The following AOAH variants were observed in gnomAD, a reference collection of about 807,000 sequenced individuals.
The protein encoded by AOAH is acyloxyacyl hydrolase (neutrophil).
AOAH carries 64 observed loss-of-function variants against 92.2 expected under a neutral mutation model. The ratio of observed to expected loss-of-function variants is 0.69; its 90% CI spans 0.57 to 0.86. The LOEUF (loss-of-function observed/expected upper bound fraction) is 0.86. Ranked by LOEUF, AOAH falls within the 40% of genes least tolerant of loss-of-function variation. The probability of loss-of-function intolerance (pLI) is 0.00; values close to 1 mark genes in which losing one functional copy is unlikely to be tolerated. For missense variants in AOAH, 656 were observed against 694.6 expected (o/e 0.94, Z 0.62); for synonymous variants, 263 against 254.5 (o/e 1.03, Z -0.32).
chr7:36,538,193 A>AATT (rs1363968898), intron 16 of AOAH, among the ~76,000 whole-genome samples: 2 of 151,062 alleles, frequency 1.3e-5, no homozygotes, highest in Non-Finnish European at 3.0e-5. Context: ...ACACCCTGCT[A>AATT]ATTTTTGTAT....
chr7:36,517,815 G>A (rs1783882410), intron 20 of AOAH, among the ~76,000 whole-genome samples: 1 of 151,574 alleles, frequency 6.6e-6, no homozygotes, highest in Non-Finnish European at 1.5e-5. Flanking sequence ...TGGCCAGGCT[G>A]GTCTCGAACT....
chr7:36,659,142 T>A, intron 4 of AOAH, 24 bp downstream of exon 4: 1 of 1,568,230 alleles, frequency 6.4e-7, no homozygotes, highest in Non-Finnish European at 8.8e-7. Flanking sequence ...TGGAAACAGA[T>A]GTTCAGAGTG....
chr7:36,625,423 C>T (rs1486710315), intron 6 of AOAH, among the ~76,000 whole-genome samples: 1 of 152,168 alleles, frequency 6.6e-6, no homozygotes, highest in Non-Finnish European at 1.5e-5. Flanking sequence ...CCAGCTCCCT[C>T]ACAGGGTTTA....
chr7:36,634,764 C>T (rs1253543702), intron 5 of AOAH, among the ~76,000 whole-genome samples: 2 of 152,178 alleles, frequency 1.3e-5, no homozygotes, highest in East Asian at 1.9e-4. Flanking sequence ...TCTAATTCTC[C>T]TAACAACAGT....
At chr7:36,596,826 T>A (rs1195658046) in intron 11 of AOAH, among the ~76,000 whole-genome samples, 1 of 152,212 alleles carries the variant, frequency 6.6e-6, no homozygotes, top group African/African-American at 2.4e-5. Context: ...CCAAGGAAAC[T>A]AATACATGGC....
At chr7:36,618,074 A>AT (rs1230260490) in intron 10 of AOAH, among the ~76,000 whole-genome samples, 1 of 152,144 alleles carries the variant, frequency 6.6e-6, no homozygotes, top group Non-Finnish European at 1.5e-5. Context: ...AATTAAACAA[A>AT]TTGTTTTGCT....
At chr7:36,535,044 GTGTATGTGTC>G (rs1316770492) in intron 16 of AOAH, among the ~76,000 whole-genome samples, 5 of 96,770 alleles carry the variant, frequency 5.2e-5, no homozygotes, top group Admixed American at 4.6e-4. Context: ...GTCTGTGTGT[GTGTATGTGTC>G]TGTGTGTGTG....
At chr7:36,570,383 C>T (rs1001508648) in intron 13 of AOAH, among the ~76,000 whole-genome samples, 6 of 152,168 alleles carry the variant, frequency 3.9e-5, no homozygotes, top group African/African-American at 7.2e-5. Flanking sequence ...ACTGTGTATG[C>T]AGAGACCACA....
Position 36,659,171 on chromosome 7 carries a change from G to A in AOAH, c.385C>T (p.Pro129Ser). 1 of 1,612,684 alleles carries A rather than the reference G, an allele frequency of 6.2e-7. No individual in the cohort carries two copies. Residue 129 changes from proline (P) to serine (S), a missense_variant, in exon 4 of 21, where the codon CCC (proline) becomes TCC (serine). Transcript: ENST00000617537. ...CAGAGTGATTACACACTCACCTTGG[G>A]AAGAGGGTAGAGATGACACAATGGT... is the stretch of plus-strand genomic sequence containing the variant. ...GQPLCHLYPL[P>S]KETWKFTLQK...
At chr7:36,717,380 C>T (rs1799279220) in intron 1 of AOAH, among the ~76,000 whole-genome samples, 1 of 152,118 alleles carries the variant, frequency 6.6e-6, no homozygotes, top group Admixed American at 6.5e-5. Context: ...TCCCCACTCC[C>T]ACCCACCCCT....
chr7:36,670,273 C>T (rs1014856165), intron 3 of AOAH, among the ~76,000 whole-genome samples: 1 of 152,134 alleles, frequency 6.6e-6, no homozygotes, highest in African/African-American at 2.4e-5. Context: ...CCATCAATCT[C>T]GAGCTGTGTC....
rs556522745 is a variant in AOAH at position 36,652,260 on chromosome 7, AG to A, written c.390+6905del. The stretch of plus-strand genomic sequence containing the variant: ...GGAGCCACCCTAAGCTTCCAATGGT[AG>A]CAAAACTGGAAAACTGGAAAAATTT... On this transcript the variant is annotated intron_variant, in intron 4 of 20. Coordinates refer to ENST00000617537, the MANE Select transcript of AOAH (RefSeq NM_001637.4). Among the ~76,000 whole-genome samples, 275 of 152,334 alleles carry A rather than the reference AG, an allele frequency of 1.8e-3. 1 individual carries two copies. The highest frequency in any genetic ancestry group is 6.3e-3 in the African/African-American group (262 of 41,568).
intron 11 of AOAH, among the ~76,000 whole-genome samples, chr7:36,599,029 C>A (rs1231001700): frequency 6.6e-6 from 1 of 152,174 alleles, no homozygotes; most frequent in African/African-American, 2.4e-5. Flanking sequence ...CGTGAGCAAC[C>A]TAGTGAGTGT....
intron 1 of AOAH, among the ~76,000 whole-genome samples, chr7:36,719,405 G>A (rs1799473032): frequency 6.6e-6 from 1 of 152,114 alleles, no homozygotes; most frequent in Non-Finnish European, 1.5e-5. Flanking sequence ...AACTTTATGA[G>A]TAAGAAGCAA....
chr7:36,545,064 T>A (rs3915168), intron 15 of AOAH, among the ~76,000 whole-genome samples: 53,123 of 151,348 alleles, frequency 0.35, 10,025 homozygotes, highest in Non-Finnish European at 0.42. Context: ...TTTTTTTTTT[T>A]AAATAGAGAC....
intron 1 of AOAH, among the ~76,000 whole-genome samples, chr7:36,704,085 C>A (rs888444586): frequency 3.3e-5 from 5 of 152,048 alleles, no homozygotes; most frequent in Non-Finnish European, 5.9e-5. Flanking sequence ...TTTTGATTTG[C>A]ATTTCTCTAA....
At chr7:36,598,760 G>A (rs929701602) in intron 11 of AOAH, among the ~76,000 whole-genome samples, 3 of 152,144 alleles carry the variant, frequency 2.0e-5, no homozygotes, top group Non-Finnish European at 4.4e-5. Context: ...AATAGCAAAT[G>A]TTTTATAGAC....
At chr7:36,530,670 G>A in intron 18 of AOAH, 156 bp from the exon 19 acceptor site, 1 of 567,710 alleles carries the variant, frequency 1.8e-6, no homozygotes, top group Non-Finnish European at 3.1e-6. Context: ...TTAAATTCTA[G>A]TCACGTACAA....
intron 12 of AOAH, among the ~76,000 whole-genome samples, chr7:36,588,781 G>T (rs1165116345): frequency 6.6e-6 from 1 of 152,150 alleles, no homozygotes; most frequent in Admixed American, 6.5e-5. Context: ...CTCACTAAAG[G>T]TGTGTTTAAA....
Sources: allele counts gnomAD v4.1 joint callset (sites outside exome capture counted in the v4.1 genomes callset), GRCh38; gene constraint gnomAD v4.1.1; transcripts MANE v1.5; gene names NCBI Gene and HGNC (gene_info 2026-07-23, HGNC 2026-07-21).